The following PCDHGA12 variants were observed in gnomAD, a reference collection of about 807,000 sequenced individuals.
The protein encoded by PCDHGA12 is protocadherin gamma-A12.
Under a neutral mutation model 61.1 loss-of-function variants are expected in PCDHGA12, and 43 were observed. That is an observed-to-expected ratio of 0.70 (90% CI 0.55 to 0.91). The LOEUF is 0.91. Ranked by LOEUF, PCDHGA12 falls within the 40% of genes least tolerant of loss-of-function variation. The probability of loss-of-function intolerance (pLI) is 0.00; values close to 1 mark genes in which losing one functional copy is unlikely to be tolerated. For missense variants in PCDHGA12, 1,236 were observed against 1,227.7 expected (o/e 1.01, Z -0.10); for synonymous variants, 520 against 542.9 (o/e 0.96, Z 0.59).
intron 3 of PCDHGA12, among the ~76,000 whole-genome samples, chr5:141,508,930 T>A (rs2099873149): frequency 6.6e-6 from 1 of 151,836 alleles, no homozygotes; most frequent in African/African-American, 2.4e-5. Context: ...CTTTTGGAGT[T>A]AATTAGGGAA....
At position 141,491,052 on chromosome 5, in the gene PCDHGA12, G is replaced by A. The variant is rs2099707642; in HGVS notation, c.2425-3755G>A. ...ATGCTGATGCAGGCCACAATGCGTG[G>A]CTCTCCTACTCACTGTTGCCACAGT... On this transcript the variant is annotated intron_variant, in intron 1 of 3. Transcript: ENST00000252085. The surrounding 1 kb of genome is among the most constrained non-coding windows in gnomAD (Gnocchi z 6.9). 3.1e-6 allele frequency: 5 copies of A among 1,614,038 alleles called. No individual in the cohort carries two copies. The highest frequency in any genetic ancestry group is 4.2e-6 in the Non-Finnish European group (5 of 1,180,032).
intron 1 of PCDHGA12, chr5:141,478,400 C>A (rs1295855090): frequency 6.2e-7 from 1 of 1,613,550 alleles, no homozygotes; most frequent in East Asian, 2.2e-5. Context: ...TCAGGTGTAT[C>A]TCACCACGGA....
At chr5:141,464,137 C>T (rs1015442185) in intron 1 of PCDHGA12, among the ~76,000 whole-genome samples, 9 of 151,928 alleles carry the variant, frequency 5.9e-5, no homozygotes, top group Non-Finnish European at 7.4e-5. Context: ...TGGTGGTGGG[C>T]GCCTGTAGTC....
At position 141,454,320 on chromosome 5, in the gene PCDHGA12, C is replaced by T. The variant is rs140074578; in HGVS notation, c.2424+21137C>T. ...CAGATATTTCAAAGCATTGAAACCTCCAAGAATAAATAAAATGTTGGAAGT... is the reference window on the plus strand; with the variant it reads ...CAGATATTTCAAAGCATTGAAACCTTCAAGAATAAATAAAATGTTGGAAGT... On this transcript the variant is annotated intron_variant, in intron 1 of 3. Coordinates refer to ENST00000252085, the MANE Select transcript of PCDHGA12 (RefSeq NM_003735.3). Among the ~76,000 whole-genome samples, 592 of 152,266 alleles carry T rather than the reference C, an allele frequency of 3.9e-3. 6 individuals are homozygous for T. Among genetic ancestry groups the T allele is most frequent in the Admixed American group, 0.011 (171 of 15,288 alleles).
chr5:141,441,865 G>T, intron 1 of PCDHGA12: 1 of 345,726 alleles, frequency 2.9e-6, no homozygotes. Context: ...GCACGCCGCG[G>T]AGCCTGGCTA....
At position 141,433,085 on chromosome 5, in the gene PCDHGA12, G is replaced by A; in HGVS notation, c.2326G>A (p.Ala776Thr). ...SHLIFPQPNY[A>T]DMLVSQESFE... The stretch of plus-strand genomic sequence containing the variant: ...CCTGATCTTCCCCCAGCCCAACTAT[G>A]CAGACATGCTCGTCAGCCAGGAGAG... The change falls in exon 1 of 4, where the codon GCA becomes ACA. Residue 776 changes from alanine to threonine, a missense_variant. Ala to Thr is a moderately conservative substitution (Grantham distance 58). Transcript: ENST00000252085. 6.2e-7 allele frequency: 1 copy of A among 1,614,170 alleles called. No homozygotes were observed. The highest frequency in any genetic ancestry group is 8.5e-7 in the Non-Finnish European group (1 of 1,180,036).
chr5:141,502,250 TA>T (rs2099813542), intron 2 of PCDHGA12, among the ~76,000 whole-genome samples: 1 of 152,242 alleles, frequency 6.6e-6, no homozygotes, highest in African/African-American at 2.4e-5. Flanking sequence ...TCCTTTTTTT[TA>T]ATCCAGGATT....
At chr5:141,440,150 A>G (rs770863453) in intron 1 of PCDHGA12, 1 of 152,244 alleles carries the variant, frequency 6.6e-6, no homozygotes, top group African/African-American at 2.4e-5. Context: ...ACGCCCCCCA[A>G]TTATAGCTTG....
rs374200575 is a variant in PCDHGA12, at chr5:141,432,105, C to T, written c.1346C>T (p.Pro449Leu). The change falls in exon 1 of 4, where the codon CCG becomes CTG. Residue 449 changes from proline to leucine, a missense_variant. Transcript: ENST00000252085. The surrounding 1 kb of genome is among the most constrained non-coding windows in gnomAD (Gnocchi z 6.0). ...AACGTGGCAGACACCAACGACAACC[C>T]GCCGGTCTTCCCTCAGGCCTCCTAT... Reference protein sequence around the residue: ...SLNVADTNDNPPVFPQASYSA... With the variant: ...SLNVADTNDNLPVFPQASYSA... 1.9e-6 allele frequency: 3 copies of T among 1,614,172 alleles called. No homozygotes were observed. Among genetic ancestry groups the T allele is most frequent in the Admixed American group, 3.3e-5 (2 of 60,032 alleles).
chr5:141,490,906 G>C lies in PCDHGA12; in HGVS notation c.2425-3901G>C. On this transcript the variant is annotated intron_variant, in intron 1 of 3. Transcript: ENST00000252085. The surrounding 1 kb of genome is among the most constrained non-coding windows in gnomAD (Gnocchi z 5.4). ...CACATCTCTGCATGTGTTTGTCCTA[G>C]ACGAGAATGATAATGCCCCAGCTGT... The C allele has an allele frequency of 1.9e-6, 3 of 1,613,798 alleles. No individual in the cohort carries two copies. The highest frequency in any genetic ancestry group is 2.5e-6 in the Non-Finnish European group (3 of 1,179,808).
intron 1 of PCDHGA12, among the ~76,000 whole-genome samples, chr5:141,454,989 T>C (rs1460420144): frequency 6.6e-6 from 1 of 151,506 alleles, no homozygotes; most frequent in East Asian, 2.0e-4. Context: ...TTAAAAAATA[T>C]TTTTAGTAGA....
rs1032814206 is a variant in PCDHGA12, at chr5:141,472,764, T to A, written c.2425-22043T>A. Among the ~76,000 whole-genome samples, 12 of 152,040 alleles carry A rather than the reference T, an allele frequency of 7.9e-5. No individual in the cohort carries two copies. The East Asian group carries it at 2.1e-3, about 27-fold the overall frequency. ...ACTTTGGGAGGCGGAGGCTGGCAGATCACCTGAGGTTGGGAGTTCAAGATC... is the reference window on the plus strand; with the variant it reads ...ACTTTGGGAGGCGGAGGCTGGCAGAACACCTGAGGTTGGGAGTTCAAGATC... On this transcript the variant is annotated intron_variant, in intron 1 of 3. Coordinates refer to ENST00000252085, the MANE Select transcript of PCDHGA12 (RefSeq NM_003735.3).
At chr5:141,496,310 A>G (rs1446146598) in intron 2 of PCDHGA12, among the ~76,000 whole-genome samples, 1 of 152,218 alleles carries the variant, frequency 6.6e-6, no homozygotes, top group East Asian at 1.9e-4. Context: ...GCTCTGCGCC[A>G]GGCCTCCCAG....
intron 1 of PCDHGA12, among the ~76,000 whole-genome samples, chr5:141,463,438 CTTTTTTTTTTTTTTTT>C (rs71576115): frequency 1.9e-5 from 2 of 103,256 alleles, no homozygotes; most frequent in African/African-American, 4.5e-5. Context: ...TTTCCTTCTC[CTTTTTTTTTTTTTTTT>C]TTTTTTTTTT....
In PCDHGA12 at chr5:141,431,318, G is replaced by T. The variant is rs1309389474; in HGVS notation, c.559G>T (p.Asp187Tyr). The T allele has an allele frequency of 6.2e-7, 1 of 1,614,086 alleles. No individual in the cohort carries two copies. Among genetic ancestry groups the T allele is most frequent in the African/African-American group, 1.3e-5 (1 of 75,050 alleles). ...CTCCCTCATCGTGCAAAATGGAGCCGACGGTAGTAAGTACCCCGAATTGGT... is the reference window on the plus strand; with the variant it reads ...CTCCCTCATCGTGCAAAATGGAGCCTACGGTAGTAAGTACCCCGAATTGGT... ...HFSLIVQNGADGSKYPELVLK... is the reference protein window; with the variant it reads ...HFSLIVQNGAYGSKYPELVLK... Residue 187 changes from aspartate to tyrosine, a missense_variant, in exon 1 of 4, where the codon GAC (aspartate) becomes TAC (tyrosine). By Grantham distance (160) the Asp-to-Tyr change is radical. Coordinates refer to ENST00000252085, the MANE Select transcript of PCDHGA12 (RefSeq NM_003735.3). The surrounding 1 kb of genome is among the most constrained non-coding windows in gnomAD (Gnocchi z 4.8).
intron 1 of PCDHGA12, among the ~76,000 whole-genome samples, chr5:141,471,107 G>T (rs1023848236): frequency 1.3e-5 from 2 of 148,554 alleles, no homozygotes; most frequent in East Asian, 2.0e-4. Context: ...AGAGTGCAGT[G>T]GTGCGATCTT....
rs1369150914 is a variant in PCDHGA12 at position 141,432,217 on chromosome 5, G to A, written c.1458G>A (p.Gln486=). The A allele has an allele frequency of 3.1e-6, 5 of 1,614,204 alleles. No individual in the cohort carries two copies. The East Asian group carries it at 6.7e-5, about 22-fold the overall frequency. The change falls in exon 1 of 4, where the codon CAG becomes CAA. Residue 486 remains glutamine (Q), a synonymous_variant. Coordinates refer to ENST00000252085, the MANE Select transcript of PCDHGA12 (RefSeq NM_003735.3). The surrounding 1 kb of genome is among the most constrained non-coding windows in gnomAD (Gnocchi z 6.0). ...ACCCCGACTGTGAAGAGAACGCCCAGATCACTTATTCCCTGGCTGAGAACA... is the reference window on the plus strand; with the variant it reads ...ACCCCGACTGTGAAGAGAACGCCCAAATCACTTATTCCCTGGCTGAGAACA... ...AHDPDCEENA[Q]ITYSLAENTI... is the part of the protein sequence containing the mutation.
At position 141,486,706 on chromosome 5, in the gene PCDHGA12, C is replaced by G; in HGVS notation, c.2425-8101C>G. 6.2e-7 allele frequency: 1 copy of G among 1,614,154 alleles called. No homozygotes were observed. Among genetic ancestry groups the G allele is most frequent in the Non-Finnish European group, 8.5e-7 (1 of 1,180,024 alleles). ...CAGCTTCCTCTTTCATCTCTCTGAA[C>G]CCCCAGACAGGAGCTGTTCATGCTA... On this transcript the variant is annotated intron_variant, in intron 1 of 3. Coordinates refer to ENST00000252085, the MANE Select transcript of PCDHGA12 (RefSeq NM_003735.3). This position sits in a 1 kb window ranked among gnomAD's most constrained non-coding sequence, Gnocchi z 5.0.
Position 141,480,177 on chromosome 5 carries a change from G to T in PCDHGA12, c.2425-14630G>T, listed in dbSNP as rs570721769. 4.6e-5 allele frequency among the ~76,000 whole-genome samples: 7 copies of T among 152,066 alleles called. No homozygotes were observed. In the South Asian group the frequency reaches 6.3e-4, roughly 14 times the overall value. ...CTAGCATTTTGGGAGGCTGAGGCAGGCGGATTGCTTGAGGCCAGCAGTTCA... is the reference window on the plus strand; with the variant it reads ...CTAGCATTTTGGGAGGCTGAGGCAGTCGGATTGCTTGAGGCCAGCAGTTCA... On this transcript the variant is annotated intron_variant, in intron 1 of 3. Coordinates refer to ENST00000252085, the MANE Select transcript of PCDHGA12 (RefSeq NM_003735.3).
Sources: gnomAD v4.1 joint callset for allele counts (sites outside exome capture counted in the v4.1 genomes callset) on GRCh38, gnomAD v4.1.1 for gene constraint, Gnocchi (gnomAD v3.1) non-coding constraint, MANE v1.5 for transcripts, NCBI Gene and HGNC (gene_info 2026-07-23, HGNC 2026-07-21) for gene names.